The following ARGLU1 variants were observed in gnomAD, a reference collection of about 807,000 sequenced individuals.
The protein encoded by ARGLU1 is arginine and glutamate-rich protein 1.
In ARGLU1, 9 loss-of-function variants were observed where a neutral mutation model predicts 37.6. The observed-to-expected ratio is 0.24, with a 90% CI of 0.14 to 0.42. The LOEUF (loss-of-function observed/expected upper bound fraction) is 0.42. Among genes scored for constraint, ARGLU1 ranks in the 10% least tolerant of loss-of-function variants. The probability of loss-of-function intolerance (pLI) is 1.00; values close to 1 mark genes in which losing one functional copy is unlikely to be tolerated. For missense variants in ARGLU1, 211 were observed against 359.2 expected, an observed-to-expected ratio of 0.59 and a Z score of 3.34; for synonymous variants, 166 against 138.5, an observed-to-expected ratio of 1.20 and a Z score of -1.39.
At position 106,557,145 on chromosome 13, in the gene ARGLU1, T is replaced by C. The variant is rs750069943; in HGVS notation, c.574-14A>G. ...ACGTTCTTCCTCCTAAAGGGGAGGA[T>C]ATGTTAAGATATTAGAAAAACAAAA... is the stretch of plus-strand genomic sequence containing the variant. On this transcript the variant is annotated splice_polypyrimidine_tract_variant and intron_variant, in intron 2 of 3. Transcript: ENST00000400198. This position sits in a 1 kb window ranked among gnomAD's most constrained non-coding sequence, Gnocchi z 5.0. 1.3e-6 allele frequency: 2 copies of C among 1,579,110 alleles called. No individual in the cohort carries two copies. The highest frequency in any genetic ancestry group is 1.7e-6 in the Non-Finnish European group (2 of 1,150,364).
At chr13:106,544,380 G>A (rs909555154) in intron 3 of ARGLU1, among the ~76,000 whole-genome samples, 6 of 152,134 alleles carry the variant, frequency 3.9e-5, no homozygotes, top group Admixed American at 1.3e-4. Flanking sequence ...AAAATCTGAC[G>A]AAGGTCACAT....
rs1881009716 is a variant in ARGLU1 at position 106,567,576 on chromosome 13, T to C, written c.344A>G (p.Lys115Arg). The C allele has an allele frequency of 1.2e-6, 2 of 1,608,712 alleles. No homozygotes were observed. Among genetic ancestry groups the C allele is most frequent in the South Asian group, 2.2e-5 (2 of 90,936 alleles). Residue 115 changes from lysine to arginine, a missense_variant, in exon 1 of 4, where the codon AAA becomes AGA. Coordinates refer to ENST00000400198, the MANE Select transcript of ARGLU1 (RefSeq NM_018011.4). This position sits in a 1 kb window ranked among gnomAD's most constrained non-coding sequence, Gnocchi z 4.3. ...CCCTCCCCGCGCGGGCACTCACATT[T>C]TTCGCTGCCGCTCGAACTCCGCTTT... is the stretch of plus-strand genomic sequence containing the variant. ...EKKAEFERQR[K>R]IRQQEIEEKL...
At chr13:106,561,389 C>T (rs1227531796) in intron 1 of ARGLU1, among the ~76,000 whole-genome samples, 1 of 150,604 alleles carries the variant, frequency 6.6e-6, no homozygotes, top group Non-Finnish European at 1.5e-5. Flanking sequence ...TAATAATCTG[C>T]CTTTGTGAAT....
At chr13:106,558,597 T>G (rs747493761) in intron 2 of ARGLU1, 92 of 985,296 alleles carry the variant, frequency 9.3e-5, no homozygotes, top group Non-Finnish European at 1.1e-4. Flanking sequence ...CACCAAGTTT[T>G]TGGATCCTGG....
chr13:106,562,708 C>G (rs1042723596), intron 1 of ARGLU1, among the ~76,000 whole-genome samples: 1 of 151,974 alleles, frequency 6.6e-6, no homozygotes, highest in Non-Finnish European at 1.5e-5. Context: ...AAACACTAGT[C>G]AGGCTGGGCG....
chr13:106,557,759 C>A lies in ARGLU1; in HGVS notation c.574-628G>T. 7.6e-7 allele frequency: 1 copy of A among 1,321,064 alleles called. No homozygotes were observed. Among genetic ancestry groups the A allele is most frequent in the South Asian group, 2.2e-5 (1 of 45,398 alleles). The allele number at this position is 1,321,064 out of a possible 1,614,324, so 81.8% of individuals were successfully genotyped here. A position where few individuals can be genotyped will look rare whatever the true frequency, so the allele number is the denominator to read the frequency against. Reference sequence around the variant, plus strand: ...GGAACAAAAAATGTAATTCATCATTCCTAAGGCAAACAATTAATAAGAAAA... The same window carrying A: ...GGAACAAAAAATGTAATTCATCATTACTAAGGCAAACAATTAATAAGAAAA... On this transcript the variant is annotated intron_variant, in intron 2 of 3. Transcript: ENST00000400198. This position sits in a 1 kb window ranked among gnomAD's most constrained non-coding sequence, Gnocchi z 5.0.
At chr13:106,561,424 TACACACAC>T (rs59373729) in intron 1 of ARGLU1, among the ~76,000 whole-genome samples, 2,334 of 147,932 alleles carry the variant, frequency 0.016, 36 homozygotes, top group East Asian at 0.033. Context: ...TAATAAAGTG[TACACACAC>T]ACACACACAC....
At chr13:106,558,723 C>G in intron 2 of ARGLU1, 1 of 985,368 alleles carries the variant, frequency 1.0e-6, no homozygotes, top group Non-Finnish European at 1.2e-6. Context: ...TAGCTTGACT[C>G]CAGACAAGGA....
chr13:106,544,597 T>C (rs960781960), intron 3 of ARGLU1, among the ~76,000 whole-genome samples: 5 of 152,204 alleles, frequency 3.3e-5, no homozygotes, highest in South Asian at 4.1e-4. Context: ...TCTAACTTCA[T>C]TGTACCAGAT....
chr13:106,542,397 T>A lies in ARGLU1; in HGVS notation c.*1599A>T, dbSNP rs1175378160. ...CTATATTCTTTAGGAAAATAAAATG[T>A]TTGATTTTAGAGTAAGTAGTATGTT... On this transcript the variant is annotated 3_prime_UTR_variant, in exon 4 of 4. Coordinates refer to ENST00000400198, the MANE Select transcript of ARGLU1 (RefSeq NM_018011.4). 5 of 152,082 alleles carry A rather than the reference T, an allele frequency of 3.3e-5. No individual in the cohort carries two copies. Among genetic ancestry groups the A allele is most frequent in the African/African-American group, 1.2e-4 (5 of 41,442 alleles). 9.4% of individuals were successfully genotyped at this position (152,082 alleles called of 1,614,324 possible). A position where few individuals can be genotyped will look rare whatever the true frequency, so the allele number is the denominator to read the frequency against.
Position 106,557,127 on chromosome 13 carries a change from T to G in ARGLU1, c.578A>C (p.Glu193Ala). The change falls in exon 3 of 4, where the codon GAA becomes GCA. Residue 193 changes from glutamate to alanine, a missense_variant. Glu to Ala is a moderately radical substitution (Grantham distance 107). Coordinates refer to ENST00000400198, the MANE Select transcript of ARGLU1 (RefSeq NM_018011.4). The surrounding 1 kb of genome is among the most constrained non-coding windows in gnomAD (Gnocchi z 5.0). ...ELAAQKAREE[E>A]ERAKREELER... ...TAGCTCCTCACGTTTTGCACGTTCT[T>G]CCTCCTAAAGGGGAGGATATGTTAA... is the stretch of plus-strand genomic sequence containing the variant. 1 of 1,613,132 alleles carries G rather than the reference T, an allele frequency of 6.2e-7. No individual in the cohort carries two copies. Among genetic ancestry groups the G allele is most frequent in the Non-Finnish European group, 8.5e-7 (1 of 1,179,148 alleles).
rs142119270 is a variant in ARGLU1, at chr13:106,546,320, A to G, written c.658-2160T>C. Among the ~76,000 whole-genome samples the G allele has an allele frequency of 5.4e-4, 82 of 152,304 alleles. 1 individual carries two copies. The East Asian group carries it at 0.014, about 26-fold the overall frequency. On this transcript the variant is annotated intron_variant, in intron 3 of 3. Coordinates refer to ENST00000400198, the MANE Select transcript of ARGLU1 (RefSeq NM_018011.4). ...TCCATGGCATACAGCTTAACTTCCT[A>G]AAGTATAATGTTTCTCTAAGACAAG...
At chr13:106,549,008 C>T (rs1002594385) in intron 3 of ARGLU1, among the ~76,000 whole-genome samples, 20 of 152,176 alleles carry the variant, frequency 1.3e-4, no homozygotes, top group Non-Finnish European at 2.4e-4. Context: ...GCCCTGGCCT[C>T]CCAAAGTGCT....
At chr13:106,565,433 T>C (rs564845826) in intron 1 of ARGLU1, among the ~76,000 whole-genome samples, 4 of 152,338 alleles carry the variant, frequency 2.6e-5, no homozygotes, top group Admixed American at 1.3e-4. Context: ...ATACAGTTTA[T>C]ATTACTGTCA....
rs1238704984 is a variant in ARGLU1 at position 106,543,587 on chromosome 13, T to G, written c.*409A>C. On this transcript the variant is annotated 3_prime_UTR_variant, in exon 4 of 4. Transcript: ENST00000400198. ...GAATTTCCCAATGCAATCACCAACT[T>G]TTTCTTTTTTTATAAATATATAAAA... 2.0e-5 allele frequency: 3 copies of G among 153,168 alleles called. No homozygotes were observed. In the East Asian group the frequency reaches 5.8e-4, roughly 29 times the overall value. The allele number at this position is 153,168 out of a possible 1,614,324, so 9.5% of individuals were successfully genotyped here.
At chr13:106,561,993 G>A (rs1276311981) in intron 1 of ARGLU1, 3 of 152,140 alleles carry the variant, frequency 2.0e-5, no homozygotes, top group Non-Finnish European at 4.4e-5. Flanking sequence ...CCAAAGGGAG[G>A]GCAAGTGGAA....
rs1391313668 is a variant in ARGLU1 at position 106,557,264 on chromosome 13, AAT to A, written c.574-135_574-134del. On this transcript the variant is annotated intron_variant, in intron 2 of 3. Coordinates refer to ENST00000400198, the MANE Select transcript of ARGLU1 (RefSeq NM_018011.4). This position sits in a 1 kb window ranked among gnomAD's most constrained non-coding sequence, Gnocchi z 5.0. Reference sequence around the variant, plus strand: ...CTTTATAGCTACCTTCTGTCTGACAAATGATAAACTGTGCAGTCACTAAAATT... The same window carrying A: ...CTTTATAGCTACCTTCTGTCTGACAAGATAAACTGTGCAGTCACTAAAATT... 1 of 813,896 alleles carries A rather than the reference AAT, an allele frequency of 1.2e-6. No individual in the cohort carries two copies. Among genetic ancestry groups the A allele is most frequent in the African/African-American group, 1.7e-5 (1 of 57,504 alleles). 50.4% of individuals were successfully genotyped at this position (813,896 alleles called of 1,614,324 possible). A position where few individuals can be genotyped will look rare whatever the true frequency, so the allele number is the denominator to read the frequency against.
At chr13:106,559,703 A>C (rs750535873) in intron 1 of ARGLU1, 46 bp from the exon 2 acceptor site, 24 of 1,552,142 alleles carry the variant, frequency 1.5e-5, no homozygotes, top group South Asian at 6.3e-5. Context: ...TACTTTTAAA[A>C]CTATAAATTT....
rs1192379148 is a variant in ARGLU1 at position 106,567,707 on chromosome 13, G to C, written c.213C>G (p.Asp71Glu). The change falls in exon 1 of 4, where the codon GAC (aspartate) becomes GAG (glutamate). Residue 71 changes from aspartate (D) to glutamate (E), a missense_variant. Physicochemically the swap from Asp to Glu is conservative, Grantham distance 45. Transcript: ENST00000400198. The surrounding 1 kb of genome is among the most constrained non-coding windows in gnomAD (Gnocchi z 4.3). ...CGGGCGGGGACGAGGCGCGCTCCCGGTCCCGCTCGCGCCGGGACACGGCCG... is the reference window on the plus strand; with the variant it reads ...CGGGCGGGGACGAGGCGCGCTCCCGCTCCCGCTCGCGCCGGGACACGGCCG... ...TNTAVSRRER[D>E]RERASSPPDR... 5 of 1,612,284 alleles carry C rather than the reference G, an allele frequency of 3.1e-6. No homozygotes were observed. Among genetic ancestry groups the C allele is most frequent in the Non-Finnish European group, 4.2e-6 (5 of 1,179,200 alleles).
Sources: gnomAD v4.1 joint callset for allele counts (sites outside exome capture counted in the v4.1 genomes callset) on GRCh38, gnomAD v4.1.1 for gene constraint, Gnocchi (gnomAD v3.1) non-coding constraint, MANE v1.5 for transcripts, NCBI Gene and HGNC (gene_info 2026-07-23, HGNC 2026-07-21) for gene names.